Variants in MYOM1 observed in about 807,000 individuals in gnomAD.
MYOM1 encodes the protein myomesin-1.
MYOM1 carries 164 observed loss-of-function variants against 205.3 expected under a neutral mutation model. The observed-to-expected ratio is 0.80, with a 90% CI of 0.70 to 0.91. The LOEUF is 0.91. Among genes scored for constraint, MYOM1 ranks in the 40% least tolerant of loss-of-function variants. The probability of loss-of-function intolerance (pLI) is 0.00; values close to 1 mark genes in which losing one functional copy is unlikely to be tolerated. For synonymous variants in MYOM1, 772 were observed against 789.4 expected (o/e 0.98, Z 0.37); for missense variants, 2,011 against 2,127.3 (o/e 0.95, Z 1.08).
Position 3,135,336 on chromosome 18 carries a change from T to G in MYOM1, c.2209+211A>C. ...GTCCATGAACTTCAGAAAAAACACA[T>G]TATCAATATTGTTGAAACTCCCAAA... On this transcript the variant is annotated intron_variant, in intron 15 of 37. Coordinates refer to ENST00000356443, the MANE Select transcript of MYOM1 (RefSeq NM_003803.4). The surrounding 1 kb of genome is among the most constrained non-coding windows in gnomAD (Gnocchi z 4.1). The G allele has an allele frequency of 2.1e-6, 1 of 468,792 alleles. No individual in the cohort carries two copies. The allele number at this position is 468,792 out of a possible 1,614,324, so 29.0% of individuals were successfully genotyped here.
At chr18:3,075,279 C>T (rs1348977222) in intron 36 of MYOM1, among the ~76,000 whole-genome samples, 175 bp downstream of exon 36, 4 of 152,050 alleles carry the variant, frequency 2.6e-5, no homozygotes, top group South Asian at 2.1e-4. Context: ...ACCTTCTTTT[C>T]CTAGATATTC....
At position 3,141,949 on chromosome 18, in the gene MYOM1, A is replaced by G; in HGVS notation, c.2015T>C (p.Phe672Ser). Reference sequence around the variant, plus strand: ...ATTCTAGAGTCTTACCTTTTCCACAAAGTACATAATGCCCTCATGACCACG... The same window carrying G: ...ATTCTAGAGTCTTACCTTTTCCACAGAGTACATAATGCCCTCATGACCACG... ...GQRGHEGIMYFVEKCEAGTEN... is the reference protein window; with the variant it reads ...GQRGHEGIMYSVEKCEAGTEN... Residue 672 changes from phenylalanine (F) to serine (S), a missense_variant, in exon 14 of 38, where the codon TTT (phenylalanine) becomes TCT (serine). Coordinates refer to ENST00000356443, the MANE Select transcript of MYOM1 (RefSeq NM_003803.4). 6.2e-7 allele frequency: 1 copy of G among 1,613,692 alleles called. No individual in the cohort carries two copies. The highest frequency in any genetic ancestry group is 8.5e-7 in the Non-Finnish European group (1 of 1,179,760).
intron 18 of MYOM1, among the ~76,000 whole-genome samples, chr18:3,128,656 GATT>G (rs1183704269): frequency 3.3e-5 from 5 of 151,398 alleles, no homozygotes; most frequent in Non-Finnish European, 7.4e-5. Context: ...TAGCTATTTA[GATT>G]ATTATTATTT....
the MYOM1 span, among the ~76,000 whole-genome samples, chr18:3,232,578 G>A: frequency 6.6e-6 from 1 of 152,036 alleles, no homozygotes; most frequent in Non-Finnish European, 1.5e-5. Flanking sequence ...ATTAAAATTT[G>A]TCACTTGGTA....
chr18:3,114,544 A>ATTTTTTTTTTTTTTTTTTTTT (rs5822738), intron 21 of MYOM1, among the ~76,000 whole-genome samples: 4 of 88,342 alleles, frequency 4.5e-5, no homozygotes, highest in African/African-American at 1.9e-4. Context: ...TGGTCAGCTA[A>ATTTTTTTTTTTTTTTTTTTTT]TTTTTTTTTT....
In MYOM1 at chr18:3,135,138, T is replaced by TG; in HGVS notation, c.2210-315dup. 3.0e-6 allele frequency: 1 copy of TG among 331,662 alleles called. No homozygotes were observed. Among genetic ancestry groups the TG allele is most frequent in the African/African-American group, 2.1e-5 (1 of 47,146 alleles). The allele number at this position is 331,662 out of a possible 1,614,324, so 20.5% of individuals were successfully genotyped here. On this transcript the variant is annotated intron_variant, in intron 15 of 37. Transcript: ENST00000356443. This position sits in a 1 kb window ranked among gnomAD's most constrained non-coding sequence, Gnocchi z 4.1. ...CTAATTTTTGTGTTTTCAGTAGAGA[T>TG]GGGGTTTCACCATGTTGGCCAGGCT...
chr18:3,099,117 C>CACAGTTCTCTGTAATGTTCT (rs2079344759), intron 25 of MYOM1, among the ~76,000 whole-genome samples: 1 of 152,186 alleles, frequency 6.6e-6, no homozygotes. Flanking sequence ...CTGTGCCCAG[C>CACAGTTCTCTGTAATGTTCT]CAAAGTTGGT....
rs145535090 is a variant in MYOM1 at position 3,095,994 on chromosome 18, G to A, written c.3728-1688C>T. On this transcript the variant is annotated intron_variant, in intron 25 of 37. Transcript: ENST00000356443. ...TGTGAGTGAGGAGGTTACCTAAGAG[G>A]CCCAGAGTGATGAGGGAGGAGGAGG... Among the ~76,000 whole-genome samples the A allele has an allele frequency of 1.9e-3, 292 of 152,302 alleles. 2 individuals are homozygous for A. Among genetic ancestry groups the A allele is most frequent in the South Asian group, 0.016 (79 of 4,824 alleles).
the MYOM1 span, among the ~76,000 whole-genome samples, chr18:3,231,486 T>C: frequency 4.8e-4 from 73 of 150,558 alleles, no homozygotes; most frequent in Admixed American, 3.3e-4. Flanking sequence ...TCAAACTACC[T>C]CTGTTTTCAG....
rs2080603633 is a variant in MYOM1 at position 3,174,334 on chromosome 18, G to T, written c.1023-126C>A. 5 of 740,120 alleles carry T rather than the reference G, an allele frequency of 6.8e-6. No individual in the cohort carries two copies. In the South Asian group the frequency reaches 8.7e-5, roughly 13 times the overall value. 45.8% of individuals were successfully genotyped at this position (740,120 alleles called of 1,614,324 possible). A position where few individuals can be genotyped will look rare whatever the true frequency, so the allele number is the denominator to read the frequency against. On this transcript the variant is annotated intron_variant, in intron 6 of 37. Coordinates refer to ENST00000356443, the MANE Select transcript of MYOM1 (RefSeq NM_003803.4). ...TCAGTGGCTAACACATGGCTCTTTG[G>T]TTCTCCTGGTACAGCTATTTGTCTC... is the stretch of plus-strand genomic sequence containing the variant.
chr18:3,160,219 G>A (rs185538048), intron 10 of MYOM1, among the ~76,000 whole-genome samples: 12 of 144,350 alleles, frequency 8.3e-5, no homozygotes, highest in Admixed American at 6.5e-4. Flanking sequence ...ACAGGGTCTC[G>A]TTCTGTCACC....
chr18:3,067,495 T>G lies in MYOM1; in HGVS notation c.4825A>C (p.Asn1609His). Residue 1609 changes from asparagine (N) to histidine (H), a missense_variant, in exon 38 of 38, where the codon AAC becomes CAC. By Grantham distance (68) the Asn-to-His change is moderately conservative. Transcript: ENST00000356443. ...DPPPEVSWLKNEKALASDDHC... is the reference protein window; with the variant it reads ...DPPPEVSWLKHEKALASDDHC... ...TCGTCTGAGGCCAGGGCCTTCTCGT[T>G]CTTCAACCACGACACCTCCGGAGGC... 1 of 1,613,892 alleles carries G rather than the reference T, an allele frequency of 6.2e-7. No individual in the cohort carries two copies. Among genetic ancestry groups the G allele is most frequent in the Non-Finnish European group, 8.5e-7 (1 of 1,179,910 alleles).
chr18:3,129,105 C>T (rs2079836550), intron 18 of MYOM1, 127 bp downstream of exon 18: 1 of 1,242,488 alleles, frequency 8.0e-7, no homozygotes, highest in Non-Finnish European at 1.1e-6. Context: ...AGATGGCTAG[C>T]TGAAAACACA....
At chr18:3,210,749 G>T (rs916311593) in intron 2 of MYOM1, among the ~76,000 whole-genome samples, 10 of 152,162 alleles carry the variant, frequency 6.6e-5, no homozygotes, top group African/African-American at 2.2e-4. Flanking sequence ...TGATCAAGGG[G>T]AGTTGCTGAC....
chr18:3,210,765 C>T (rs529886534), intron 2 of MYOM1, among the ~76,000 whole-genome samples: 1 of 152,140 alleles, frequency 6.6e-6, no homozygotes, highest in Non-Finnish European at 1.5e-5. Context: ...CTGACTGTAA[C>T]TGGCATTGGG....
rs112957937 is a variant in MYOM1 at position 3,193,118 on chromosome 18, A to T, written c.431+700T>A. On this transcript the variant is annotated intron_variant, in intron 3 of 37. Coordinates refer to ENST00000356443, the MANE Select transcript of MYOM1 (RefSeq NM_003803.4). ...ACCCCATCACTACACATAATTTTTT[A>T]AAAAAATTAGCTGGGTGTGGTGGCT... is the stretch of plus-strand genomic sequence containing the variant. 4.8e-3 allele frequency among the ~76,000 whole-genome samples: 722 copies of T among 151,738 alleles called. 5 individuals carry two copies. The highest frequency in any genetic ancestry group is 0.015 in the African/African-American group (639 of 41,328).
At chr18:3,110,231 G>A (rs983243452) in intron 22 of MYOM1, among the ~76,000 whole-genome samples, 4 of 152,046 alleles carry the variant, frequency 2.6e-5, no homozygotes, top group Non-Finnish European at 5.9e-5. Flanking sequence ...GCGTGGGGGT[G>A]TGCGTGTGTG....
chr18:3,182,027 C>T (rs962307018), intron 5 of MYOM1, among the ~76,000 whole-genome samples: 1 of 152,108 alleles, frequency 6.6e-6, no homozygotes, highest in Admixed American at 6.5e-5. Flanking sequence ...AGCCCTCGCG[C>T]CTGGCTGAAA....
intron 10 of MYOM1, among the ~76,000 whole-genome samples, chr18:3,159,544 A>C (rs2080351086): frequency 6.6e-6 from 1 of 152,256 alleles, no homozygotes; most frequent in Non-Finnish European, 1.5e-5. Flanking sequence ...TAGGCCTATA[A>C]ATATGAACAC....
Sources: allele counts gnomAD v4.1 joint callset (sites outside exome capture counted in the v4.1 genomes callset), GRCh38; gene constraint gnomAD v4.1.1; non-coding constraint Gnocchi (gnomAD v3.1); transcripts MANE v1.5; gene names NCBI Gene and HGNC (gene_info 2026-07-23, HGNC 2026-07-21).